The following AGAP1 variants were observed in gnomAD, a reference collection of about 807,000 sequenced individuals.
AGAP1 encodes the protein arf-GAP with GTPase, ANK repeat and PH domain-containing protein 1.
A neutral mutation model predicts 105.3 loss-of-function variants in AGAP1; 29 were observed. The ratio of observed to expected loss-of-function variants is 0.28; its 90% CI spans 0.21 to 0.38. The LOEUF is 0.38. AGAP1 is among the 10% of genes least tolerant of loss of function. The pLI is 1.00. For synonymous variants in AGAP1, 509 were observed against 485.9 expected (o/e 1.05, Z -0.63); for missense variants, 998 against 1,165.1 (o/e 0.86, Z 2.09).
chr2:236,019,535 T>C (rs1258058081), intron 13 of AGAP1, among the ~76,000 whole-genome samples: 1 of 152,206 alleles, frequency 6.6e-6, no homozygotes, highest in South Asian at 2.1e-4. Context: ...CCTCCTTGTT[T>C]TATAAAAGAA....
chr2:235,771,533 C>G (rs375471512), intron 6 of AGAP1, among the ~76,000 whole-genome samples: 1 of 152,206 alleles, frequency 6.6e-6, no homozygotes, highest in African/African-American at 2.4e-5. Context: ...CCCTGTGGAA[C>G]TGGTGGCCGT....
chr2:235,946,652 G>A (rs1372312388), intron 12 of AGAP1, among the ~76,000 whole-genome samples: 1 of 152,210 alleles, frequency 6.6e-6, no homozygotes, highest in African/African-American at 2.4e-5. Context: ...GTGTCCAGAA[G>A]TAGGGGACTG....
chr2:236,046,041 G>A lies in AGAP1; in HGVS notation c.1892-3018G>A, dbSNP rs1220471832. 4.2e-6 allele frequency: 2 copies of A among 471,096 alleles called. No individual in the cohort carries two copies. The highest frequency in any genetic ancestry group is 4.0e-5 in the African/African-American group (2 of 50,072). The allele number at this position is 471,096 out of a possible 1,614,324, so 29.2% of individuals were successfully genotyped here. ...GAGCTGCTGGGGGGAGGTAGGAGGG[G>A]GTGCACCACGGTCTGAACGAGGGGC... On this transcript the variant is annotated intron_variant, in intron 15 of 17. Coordinates refer to ENST00000304032, the MANE Select transcript of AGAP1 (RefSeq NM_001037131.3). This position sits in a 1 kb window ranked among gnomAD's most constrained non-coding sequence, Gnocchi z 5.2.
At position 235,550,179 on chromosome 2, in the gene AGAP1, C is replaced by A. The variant is rs949214893; in HGVS notation, c.163+55330C>A. On this transcript the variant is annotated intron_variant, in intron 1 of 17. Coordinates refer to ENST00000304032, the MANE Select transcript of AGAP1 (RefSeq NM_001037131.3). This position sits in a 1 kb window ranked among gnomAD's most constrained non-coding sequence, Gnocchi z 4.6. ...GCCTGCACACTCCCAGCACCCGTGG[C>A]AGTCTTAGCAGGTGGATTATCACCG... 3.3e-5 allele frequency among the ~76,000 whole-genome samples: 5 copies of A among 152,202 alleles called. No homozygotes were observed. The highest frequency in any genetic ancestry group is 7.3e-5 in the Non-Finnish European group (5 of 68,030).
At chr2:235,508,769 G>A (rs1371437347) in intron 1 of AGAP1, among the ~76,000 whole-genome samples, 1 of 152,220 alleles carries the variant, frequency 6.6e-6, no homozygotes, top group Non-Finnish European at 1.5e-5. Context: ...TAATAATGGA[G>A]ATGTTAGTGG....
In AGAP1 at chr2:236,104,426, G is replaced by GGT. The variant is rs2059434078; in HGVS notation, c.2115-15764_2115-15763dup. Among the ~76,000 whole-genome samples the GGT allele has an allele frequency of 1.3e-5, 2 of 152,204 alleles. No homozygotes were observed. The highest frequency in any genetic ancestry group is 2.9e-5 in the Non-Finnish European group (2 of 68,044). On this transcript the variant is annotated intron_variant, in intron 16 of 17. Coordinates refer to ENST00000304032, the MANE Select transcript of AGAP1 (RefSeq NM_001037131.3). This position sits in a 1 kb window ranked among gnomAD's most constrained non-coding sequence, Gnocchi z 4.7. ...CCTCATCAAATGACTCCCCAACAGG[G>GGT]GTGGATCCTGCCCCTCGACCAGCAC...
intron 1 of AGAP1, among the ~76,000 whole-genome samples, chr2:235,627,192 G>GTTTTTT (rs36086999): frequency 2.7e-3 from 254 of 95,566 alleles, no homozygotes; most frequent in East Asian, 4.6e-3. Flanking sequence ...CTGTTTTGAG[G>GTTTTTT]TTTTTTTTTT....
At chr2:235,745,272 A>C (rs1952839183) in intron 5 of AGAP1, among the ~76,000 whole-genome samples, 1 of 152,240 alleles carries the variant, frequency 6.6e-6, no homozygotes, top group Non-Finnish European at 1.5e-5. Context: ...TTTTGAACAT[A>C]GAGCAGTTCT....
In AGAP1 at chr2:235,824,545, GA is replaced by G. The variant is rs1016560122; in HGVS notation, c.1050+17217del. Among the ~76,000 whole-genome samples the G allele has an allele frequency of 4.6e-5, 7 of 152,208 alleles. No individual in the cohort carries two copies. The highest frequency in any genetic ancestry group is 1.0e-4 in the Non-Finnish European group (7 of 68,038). On this transcript the variant is annotated intron_variant, in intron 9 of 17. Transcript: ENST00000304032. The surrounding 1 kb of genome is among the most constrained non-coding windows in gnomAD (Gnocchi z 5.2). ...CATCATTGAGATGCTTATTGCAGGA[GA>G]AATTAAAGATACAATTTTGTGCTAA...
chr2:235,933,969 C>A (rs1208044616), intron 12 of AGAP1, among the ~76,000 whole-genome samples: 1 of 152,192 alleles, frequency 6.6e-6, no homozygotes, highest in Non-Finnish European at 1.5e-5. Flanking sequence ...CCTGTTGTTA[C>A]CTGCCTTCTA....
chr2:235,844,743 C>T (rs930995442), intron 9 of AGAP1, among the ~76,000 whole-genome samples: 4 of 152,180 alleles, frequency 2.6e-5, no homozygotes, highest in African/African-American at 9.7e-5. Flanking sequence ...AGTGTTCTTC[C>T]ATCCATCACT....
At chr2:235,735,545 C>T (rs1446325417) in intron 3 of AGAP1, among the ~76,000 whole-genome samples, 1 of 152,042 alleles carries the variant, frequency 6.6e-6, no homozygotes, top group Non-Finnish European at 1.5e-5. Flanking sequence ...GAATAGTAAT[C>T]GTGAAAGGCT....
chr2:236,104,253 G>C lies in AGAP1; in HGVS notation c.2115-15939G>C, dbSNP rs2059430004. 6.6e-6 allele frequency among the ~76,000 whole-genome samples: 1 copy of C among 152,216 alleles called. No individual in the cohort carries two copies. Among genetic ancestry groups the C allele is most frequent in the Non-Finnish European group, 1.5e-5 (1 of 68,034 alleles). ...GGCTGCTGTGAGAGATACGCCACCAGGCCAGGCTGACATGGGCAGTTCCAG... is the reference window on the plus strand; with the variant it reads ...GGCTGCTGTGAGAGATACGCCACCACGCCAGGCTGACATGGGCAGTTCCAG... On this transcript the variant is annotated intron_variant, in intron 16 of 17. Coordinates refer to ENST00000304032, the MANE Select transcript of AGAP1 (RefSeq NM_001037131.3). The surrounding 1 kb of genome is among the most constrained non-coding windows in gnomAD (Gnocchi z 4.7).
chr2:235,823,123 T>C lies in AGAP1; in HGVS notation c.1050+15792T>C, dbSNP rs1387580257. ...TCTTACCTATTTTTTCCAAGTAGTT[T>C]CTCTCAGAGAACAAAAACTATGTAT... On this transcript the variant is annotated intron_variant, in intron 9 of 17. Transcript: ENST00000304032. Among the ~76,000 whole-genome samples the C allele has an allele frequency of 2.6e-5, 4 of 152,302 alleles. No homozygotes were observed. In the East Asian group the frequency reaches 5.8e-4, roughly 22 times the overall value.
chr2:235,524,590 A>G (rs2149058664), intron 1 of AGAP1: 2 of 186,734 alleles, frequency 1.1e-5, no homozygotes, highest in South Asian at 1.8e-4. Context: ...CCTTCCCCAC[A>G]TGGATGAGTT....
At position 235,882,972 on chromosome 2, in the gene AGAP1, C is replaced by T. The variant is rs1206299993; in HGVS notation, c.1051-373C>T. Among the ~76,000 whole-genome samples, 8 of 152,022 alleles carry T rather than the reference C, an allele frequency of 5.3e-5. No homozygotes were observed. Among genetic ancestry groups the T allele is most frequent in the Admixed American group, 3.3e-4 (5 of 15,264 alleles). ...GGATTACAGAAGCACACCACCGTGC[C>T]CAGCTAATTTTATTTATTTATTTAT... On this transcript the variant is annotated intron_variant, in intron 9 of 17. Transcript: ENST00000304032. The surrounding 1 kb of genome is among the most constrained non-coding windows in gnomAD (Gnocchi z 4.6).
At position 235,934,568 on chromosome 2, in the gene AGAP1, A is replaced by G. The variant is rs2052895545; in HGVS notation, c.1483+3645A>G. ...GGATTTCAAGACTCAGCCTTGGCAT[A>G]AACATTCCCTGCAGGGCTTAGAAAA... On this transcript the variant is annotated intron_variant, in intron 12 of 17. Coordinates refer to ENST00000304032, the MANE Select transcript of AGAP1 (RefSeq NM_001037131.3). The surrounding 1 kb of genome is among the most constrained non-coding windows in gnomAD (Gnocchi z 4.9). Among the ~76,000 whole-genome samples the G allele has an allele frequency of 6.6e-6, 1 of 152,214 alleles. No individual in the cohort carries two copies. The highest frequency in any genetic ancestry group is 1.5e-5 in the Non-Finnish European group (1 of 68,040).
Position 236,036,458 on chromosome 2 carries a change from T to C in AGAP1, c.1646-103T>C, listed in dbSNP as rs929778283. ...CAGTGCCGTGCGCCTCACCGGTCCATGCAGGGGCAGCTGAACCCAGAGGCG... is the reference window on the plus strand; with the variant it reads ...CAGTGCCGTGCGCCTCACCGGTCCACGCAGGGGCAGCTGAACCCAGAGGCG... On this transcript the variant is annotated intron_variant, in intron 13 of 17. Transcript: ENST00000304032. This position sits in a 1 kb window ranked among gnomAD's most constrained non-coding sequence, Gnocchi z 5.7. The C allele has an allele frequency of 2.7e-5, 40 of 1,474,858 alleles. No individual in the cohort carries two copies. Among genetic ancestry groups the C allele is most frequent in the Non-Finnish European group, 3.0e-5 (33 of 1,087,520 alleles). 91.4% of individuals were successfully genotyped at this position (1,474,858 alleles called of 1,614,324 possible).
intron 9 of AGAP1, among the ~76,000 whole-genome samples, chr2:235,880,997 C>T (rs1057400115): frequency 6.6e-6 from 1 of 152,150 alleles, no homozygotes; most frequent in Admixed American, 6.5e-5. Flanking sequence ...TGGTGTATAG[C>T]GATTTAGATT....
Sources: gnomAD v4.1 joint callset for allele counts (sites outside exome capture counted in the v4.1 genomes callset) on GRCh38, gnomAD v4.1.1 for gene constraint, Gnocchi (gnomAD v3.1) non-coding constraint, MANE v1.5 for transcripts, NCBI Gene and HGNC (gene_info 2026-07-23, HGNC 2026-07-21) for gene names.